The following DNAJB1 variants were observed in gnomAD, a reference collection of about 807,000 sequenced individuals.
DNAJB1 encodes DnaJ heat shock protein family (Hsp40) member B1.
In DNAJB1, 14 loss-of-function variants were observed where a neutral mutation model predicts 24.0. That is an observed-to-expected ratio of 0.58 (90% CI 0.39 to 0.91). The LOEUF (loss-of-function observed/expected upper bound fraction) is 0.91. Among genes scored for constraint, DNAJB1 ranks in the 40% least tolerant of loss-of-function variants. The probability of loss-of-function intolerance (pLI) is 0.00; values close to 1 mark genes in which losing one functional copy is unlikely to be tolerated. For synonymous variants in DNAJB1, 262 were observed against 174.4 expected (o/e 1.50, Z -3.96); for missense variants, 517 against 458.1 (o/e 1.13, Z -1.17).
chr19:14,520,797 C>A (rs757540355), upstream of DNAJB1, among the ~76,000 whole-genome samples: 3 of 151,968 alleles, frequency 2.0e-5, no homozygotes, highest in Non-Finnish European at 2.9e-5. Context: ...CCAGCCTGGG[C>A]AACATAGTGA....
chr19:14,536,086 G>GAGAAGA (rs1270677019), intron 1 of DNAJB1, among the ~76,000 whole-genome samples: 7 of 152,056 alleles, frequency 4.6e-5, no homozygotes, highest in African/African-American at 1.4e-4. Context: ...CTGAGACCCA[G>GAGAAGA]AGAACAAGGC....
At position 14,542,355 on chromosome 19, in the gene DNAJB1, T is replaced by G. The variant is rs891021626; in HGVS notation, c.-214+7853A>C. On this transcript the variant is annotated intron_variant, in intron 1 of 3. Coordinates refer to the DNAJB1 transcript ENST00000676982. The stretch of plus-strand genomic sequence containing the variant: ...GGCCCTCATGCCATAGTGTTTTTTT[T>G]TTTTTTTTTTTTTTTTTTTTTCTGA... Among the ~76,000 whole-genome samples, 72 of 120,774 alleles carry G rather than the reference T, an allele frequency of 6.0e-4. 1 individual carries two copies. The highest frequency in any genetic ancestry group is 2.3e-3 in the African/African-American group (69 of 30,144). 79.2% of individuals were successfully genotyped at this position (120,774 alleles called of 152,430 possible). A position where few individuals can be genotyped will look rare whatever the true frequency, so the allele number is the denominator to read the frequency against.
intron 1 of DNAJB1, among the ~76,000 whole-genome samples, chr19:14,539,640 T>G (rs1014622942): frequency 1.3e-5 from 2 of 152,096 alleles, no homozygotes; most frequent in African/African-American, 2.4e-5. Context: ...TATGCTACTG[T>G]CTTTCACAGA....
At chr19:14,539,140 ATTTTTTTTTT>A (rs57801378) in intron 1 of DNAJB1, among the ~76,000 whole-genome samples, 132 of 92,548 alleles carry the variant, frequency 1.4e-3, no homozygotes, top group East Asian at 3.9e-3. Flanking sequence ...CGCCCGGCTA[ATTTTTTTTTT>A]TTTTTTTTTT....
chr19:14,539,285 C>T (rs2073016932), intron 1 of DNAJB1, among the ~76,000 whole-genome samples: 1 of 151,730 alleles, frequency 6.6e-6, no homozygotes, highest in African/African-American at 2.4e-5. Context: ...TGAGCCACCA[C>T]ACCTGGCTGC....
chr19:14,522,160 A>G (rs1229021675), upstream of DNAJB1, among the ~76,000 whole-genome samples: 2 of 151,998 alleles, frequency 1.3e-5, no homozygotes, highest in Non-Finnish European at 2.9e-5. Context: ...AAGCTCTAGA[A>G]CCTAGTTATT....
upstream of DNAJB1, among the ~76,000 whole-genome samples, chr19:14,520,664 C>T (rs2072349577): frequency 6.6e-6 from 1 of 152,014 alleles, no homozygotes; most frequent in Non-Finnish European, 1.5e-5. Context: ...GGTCCTGAAG[C>T]AATTATGGGG....
upstream of DNAJB1, chr19:14,518,403 C>A: frequency 6.7e-7 from 1 of 1,496,246 alleles, no homozygotes; most frequent in Non-Finnish European, 8.9e-7. Flanking sequence ...GCTCCGCCGC[C>A]GACCAGTCCC....
chr19:14,516,576 AG>A lies in DNAJB1; in HGVS notation c.681del (p.Ser228ProfsTer12), dbSNP rs1159957063. ...ACGATATCAGCTGGAATGTTGTTGG[AG>A]GTCTGGTCTCCTTCCTTGGGGAAAG... is the stretch of plus-strand genomic sequence containing the variant. The part of the protein sequence containing the change: ...KITFPKEGDQ[T>X]SNNIPADIVF... On this transcript the variant is annotated frameshift_variant, in exon 2 of 3. Transcript: ENST00000254322. LOFTEE classifies it high-confidence loss of function. The A allele has an allele frequency of 3.7e-6, 6 of 1,614,022 alleles. No homozygotes were observed. Among genetic ancestry groups the A allele is most frequent in the Non-Finnish European group, 5.1e-6 (6 of 1,180,032 alleles).
chr19:14,554,780 C>T (rs1036368179), upstream of DNAJB1, among the ~76,000 whole-genome samples: 6 of 151,930 alleles, frequency 3.9e-5, no homozygotes, highest in Admixed American at 3.9e-4. Flanking sequence ...TTGTCTCTGC[C>T]TTGTGCTTTT....
At position 14,547,343 on chromosome 19, in the gene DNAJB1, C is replaced by CTATTT. The variant is rs149850437; in HGVS notation, c.-214+2860_-214+2864dup. Among the ~76,000 whole-genome samples the CTATTT allele has an allele frequency of 7.1e-3, 1,071 of 151,706 alleles. 13 individuals are homozygous for CTATTT. The highest frequency in any genetic ancestry group is 0.023 in the African/African-American group (947 of 41,358). On this transcript the variant is annotated intron_variant, in intron 1 of 3. Coordinates refer to the DNAJB1 transcript ENST00000676982. ...ACAGGCGTGAGCCACCGTACCTGGC[C>CTATTT]TATTTTATTTTATTTTATTTTATTT...
At chr19:14,559,730 T>G (rs1346341449) in intron 1 of DNAJB1, among the ~76,000 whole-genome samples, 2 of 151,106 alleles carry the variant, frequency 1.3e-5, no homozygotes, top group Non-Finnish European at 2.9e-5. Context: ...GAGGTTGCAG[T>G]GAGTCAAGAT....
intron 1 of DNAJB1, among the ~76,000 whole-genome samples, chr19:14,547,143 A>G (rs188004656): frequency 2.0e-4 from 30 of 152,298 alleles, no homozygotes; most frequent in African/African-American, 6.3e-4. Flanking sequence ...GAGCTTATTC[A>G]TAGCCTCTTA....
chr19:14,532,338 G>C (rs934472491), upstream of DNAJB1: 1 of 151,974 alleles, frequency 6.6e-6, no homozygotes, highest in Non-Finnish European at 1.5e-5. Context: ...TTGAGGTGAG[G>C]AGTTCAAGAC....
At chr19:14,529,191 T>C in intron 1 of DNAJB1, 1 of 238,164 alleles carries the variant, frequency 4.2e-6, no homozygotes, top group Non-Finnish European at 8.7e-6. Flanking sequence ...GTTCCCGGTG[T>C]ACCCCGGGGG....
In DNAJB1 at chr19:14,543,419, ATT is replaced by A. The variant is rs1169742953; in HGVS notation, c.-214+6787_-214+6788del. 2.3e-3 allele frequency among the ~76,000 whole-genome samples: 51 copies of A among 21,880 alleles called. 3 individuals carry two copies. The highest frequency in any genetic ancestry group is 0.011 in the African/African-American group (45 of 4,082). 14.4% of individuals were successfully genotyped at this position (21,880 alleles called of 152,430 possible). A position where few individuals can be genotyped will look rare whatever the true frequency, so the allele number is the denominator to read the frequency against. On this transcript the variant is annotated intron_variant, in intron 1 of 3. Coordinates refer to the DNAJB1 transcript ENST00000676982. The stretch of plus-strand genomic sequence containing the variant: ...TATATATATATATATATATATATAT[ATT>A]TTTTTTTTTTTTTTTTTTTTTTTTT...
At chr19:14,548,687 C>T (rs1326564320) in intron 1 of DNAJB1, among the ~76,000 whole-genome samples, 1 of 152,020 alleles carries the variant, frequency 6.6e-6, no homozygotes, top group Admixed American at 6.6e-5. Flanking sequence ...AAGCAATTCT[C>T]CTGTCTCAGC....
At position 14,517,045 on chromosome 19, in the gene DNAJB1, G is replaced by A. The variant is rs754782163; in HGVS notation, c.213C>T (p.Gly71=). The change falls in exon 2 of 3, where the codon GGC becomes GGT. Residue 71 remains glycine (G), a splice_region_variant and synonymous_variant. Transcript: ENST00000254322. ...CGCCACTGGGGCCACTCCCCTTTAG[G>A]CCTGAAAAGCAGATTTAGAAGCAGT... is the stretch of plus-strand genomic sequence containing the variant. ...REIFDRYGEE[G]LKGSGPSGGS... The A allele has an allele frequency of 1.9e-6, 3 of 1,602,340 alleles. No homozygotes were observed. Among genetic ancestry groups the A allele is most frequent in the Admixed American group, 1.7e-5 (1 of 58,986 alleles).
upstream of DNAJB1, among the ~76,000 whole-genome samples, chr19:14,551,895 T>TTC (rs140348006): frequency 7.7e-3 from 1,119 of 145,200 alleles, 23 homozygotes; most frequent in African/African-American, 0.027. Flanking sequence ...TTTCTTTCCT[T>TTC]TCTCTCTCTC....
Sources: gnomAD v4.1 joint callset for allele counts (sites outside exome capture counted in the v4.1 genomes callset) on GRCh38, gnomAD v4.1.1 for gene constraint, MANE v1.5 for transcripts, NCBI Gene and HGNC (gene_info 2026-07-23, HGNC 2026-07-21) for gene names.